Variants in SLC6A13 observed in about 807,000 individuals in gnomAD.
The protein encoded by SLC6A13 is sodium- and chloride-dependent GABA transporter 2.
Under a neutral mutation model 72.9 loss-of-function variants are expected in SLC6A13, and 69 were observed. The observed-to-expected ratio is 0.95, with a 90% CI of 0.78 to 1.16. SLC6A13 has a LOEUF of 1.16. Ranked by LOEUF, SLC6A13 falls within the 50% of genes most tolerant of loss-of-function variation. SLC6A13 has a pLI of 0.00. For missense variants in SLC6A13, 735 were observed against 760.5 expected (o/e 0.97, Z 0.39); for synonymous variants, 303 against 303.0 (o/e 1.00, Z 0.00).
At chr12:257,774 G>A (rs1020774203) in intron 2 of SLC6A13, among the ~76,000 whole-genome samples, 5 of 152,150 alleles carry the variant, frequency 3.3e-5, no homozygotes, top group Admixed American at 1.3e-4. Flanking sequence ...CCACGTTCCA[G>A]TCACTGCTCC....
chr12:241,898 T>A (rs1218446105), intron 4 of SLC6A13, among the ~76,000 whole-genome samples: 1 of 152,202 alleles, frequency 6.6e-6, no homozygotes, highest in East Asian at 1.9e-4. Flanking sequence ...GTGTTCACAT[T>A]TGATTATAAA....
At chr12:241,575 A>G (rs534462766) in intron 4 of SLC6A13, among the ~76,000 whole-genome samples, 2 of 152,274 alleles carry the variant, frequency 1.3e-5, no homozygotes, top group East Asian at 3.9e-4. Context: ...GGTGCTCAAT[A>G]ACCACACATA....
chr12:251,782 G>A (rs1020785118), intron 2 of SLC6A13, among the ~76,000 whole-genome samples: 3 of 150,454 alleles, frequency 2.0e-5, no homozygotes, highest in South Asian at 2.1e-4. Context: ...GTGAGACCTC[G>A]TCTCTACCAA....
intron 2 of SLC6A13, among the ~76,000 whole-genome samples, chr12:249,582 C>T (rs1258160848): frequency 6.6e-6 from 1 of 152,030 alleles, no homozygotes. Context: ...CTGAATAGCC[C>T]TATAACTATT....
chr12:239,784 T>C (rs1222926398), intron 4 of SLC6A13, among the ~76,000 whole-genome samples: 1 of 152,170 alleles, frequency 6.6e-6, no homozygotes, highest in East Asian at 1.9e-4. Context: ...GCCAGCTAGG[T>C]GCTCTCTCCA....
intron 12 of SLC6A13, 31 bp from the exon 13 acceptor site, chr12:222,663 A>C: frequency 6.9e-7 from 1 of 1,458,122 alleles, no homozygotes. Context: ...AGGAAGGAGG[A>C]GAAAGTCATT....
At chr12:224,269 A>T in intron 10 of SLC6A13, 132 bp downstream of exon 10, 1 of 1,358,000 alleles carries the variant, frequency 7.4e-7, no homozygotes. Flanking sequence ...TTGCCTGGTT[A>T]GGTCAGGACT....
rs1337569778 is a variant in SLC6A13, at chr12:260,017, T to C, written c.36A>G (p.Gly12=). The C allele has an allele frequency of 6.2e-7, 1 of 1,614,054 alleles. No homozygotes were observed. The highest frequency in any genetic ancestry group is 1.3e-5 in the African/African-American group (1 of 74,928). ...DSRVSGTTSN[G]ETKPVYPVME... is the part of the protein sequence containing the mutation. ...TGACTGGATACACTGGTTTTGTCTC[T>C]CCATTACTGGTTGTGCCTGAGACCC... is the stretch of plus-strand genomic sequence containing the variant. The change falls in exon 2 of 15, where the codon GGA becomes GGG. Residue 12 remains glycine (G), a synonymous_variant. Transcript: ENST00000343164.
At chr12:226,015 T>A (rs1486557549) in intron 9 of SLC6A13, among the ~76,000 whole-genome samples, 1 of 152,214 alleles carries the variant, frequency 6.6e-6, no homozygotes, top group Non-Finnish European at 1.5e-5. Context: ...TAATATGTTA[T>A]CATTTGGTTT....
At chr12:224,164 G>C (rs750186824) in intron 10 of SLC6A13, 35 bp from the exon 11 acceptor site, 2 of 1,612,616 alleles carry the variant, frequency 1.2e-6, no homozygotes, top group African/African-American at 1.3e-5. Flanking sequence ...GAGGGAAGGA[G>C]AGCTCCCGAG....
chr12:222,690 A>T (rs767951777), intron 12 of SLC6A13, 58 bp from the exon 13 acceptor site: 90 of 1,090,304 alleles, frequency 8.3e-5, no homozygotes, highest in Non-Finnish European at 4.7e-5. Flanking sequence ...CACCCAGGAC[A>T]TCAGGATGGG....
intron 9 of SLC6A13, 71 bp downstream of exon 9, chr12:226,319 C>T (rs1395962876): frequency 3.2e-5 from 51 of 1,590,256 alleles, no homozygotes; most frequent in East Asian, 1.4e-4. Flanking sequence ...ACAATGGAAA[C>T]GCCTCTAGAC....
intron 2 of SLC6A13, among the ~76,000 whole-genome samples, chr12:255,051 T>C (rs1045427450): frequency 1.3e-5 from 2 of 152,172 alleles, no homozygotes; most frequent in Non-Finnish European, 2.9e-5. Flanking sequence ...CACGTCTCAG[T>C]GAATGGCAGC....
At position 224,424 on chromosome 12, in the gene SLC6A13, C is replaced by T. The variant is rs777717835; in HGVS notation, c.1150G>A (p.Val384Ile). Residue 384 changes from valine (V) to isoleucine (I), a missense_variant, in exon 10 of 15, where the codon GTT (valine) becomes ATT (isoleucine). Val to Ile is a conservative substitution (Grantham distance 29). Coordinates refer to ENST00000343164, the MANE Select transcript of SLC6A13 (RefSeq NM_016615.5). ...LWACCFFFMV[V>I]LLGLDSQFVC... is the part of the protein sequence containing the mutation. Reference sequence around the variant, plus strand: ...ACCTGGCTATCCAGTCCCAGGAGAACGACCATGAAGAAGAAACAGCAGGCC... The same window carrying T: ...ACCTGGCTATCCAGTCCCAGGAGAATGACCATGAAGAAGAAACAGCAGGCC... The T allele has an allele frequency of 1.5e-5, 24 of 1,613,912 alleles. No homozygotes were observed. The highest frequency in any genetic ancestry group is 1.6e-4 in the Middle Eastern group (1 of 6,082).
intron 9 of SLC6A13, among the ~76,000 whole-genome samples, chr12:225,555 C>G (rs1941410914): frequency 1.3e-5 from 2 of 151,908 alleles, no homozygotes; most frequent in Non-Finnish European, 2.9e-5. Flanking sequence ...GAAGCTGAGG[C>G]ATGAGAATCA....
chr12:228,242 T>C (rs977580850), intron 7 of SLC6A13, among the ~76,000 whole-genome samples: 2 of 152,170 alleles, frequency 1.3e-5, no homozygotes, highest in Non-Finnish European at 2.9e-5. Flanking sequence ...ACAGTCCAGC[T>C]AAACATAGAG....
chr12:226,289 T>C (rs963958126), intron 9 of SLC6A13, 101 bp downstream of exon 9: 1 of 1,418,700 alleles, frequency 7.0e-7, no homozygotes, highest in African/African-American at 1.4e-5. Flanking sequence ...TGGCCGTAGC[T>C]CACCCAGAGT....
chr12:233,949 G>T (rs1001169439), intron 7 of SLC6A13, among the ~76,000 whole-genome samples: 1 of 152,020 alleles, frequency 6.6e-6, no homozygotes, highest in East Asian at 1.9e-4. Context: ...AGGAGGTAAG[G>T]CATTCTAAGT....
chr12:250,995 A>C (rs138083084), intron 2 of SLC6A13, among the ~76,000 whole-genome samples: 2,623 of 152,018 alleles, frequency 0.017, 82 homozygotes, highest in African/African-American at 0.06. Context: ...TCTCTACTAA[A>C]AATACAAAAA....
Sources: gnomAD v4.1 joint callset for allele counts (sites outside exome capture counted in the v4.1 genomes callset) on GRCh38, gnomAD v4.1.1 for gene constraint, MANE v1.5 for transcripts, NCBI Gene and HGNC (gene_info 2026-07-23, HGNC 2026-07-21) for gene names.